Variants in PDZRN4 observed in about 807,000 individuals in gnomAD.
The protein encoded by PDZRN4 is PDZ domain containing ring finger 4, also known as PDZ domain-containing RING finger protein 4.
In PDZRN4, 70 loss-of-function variants were observed where a neutral mutation model predicts 99.0. The ratio of observed to expected loss-of-function variants is 0.71; its 90% CI spans 0.58 to 0.86. PDZRN4 has a LOEUF of 0.86. PDZRN4 is among the 40% of genes least tolerant of loss of function. The pLI is 0.00. For synonymous variants in PDZRN4, 551 were observed against 501.6 expected (o/e 1.10, Z -1.32); for missense variants, 1,474 against 1,331.2 (o/e 1.11, Z -1.67).
intron 3 of PDZRN4, among the ~76,000 whole-genome samples, chr12:41,312,189 AG>A (rs1193661517): frequency 6.6e-6 from 1 of 151,932 alleles, no homozygotes; most frequent in Non-Finnish European, 1.5e-5. Context: ...TATTTCATTT[AG>A]GGTTTCTATT....
chr12:41,557,066 G>A (rs12426132), intron 7 of PDZRN4, among the ~76,000 whole-genome samples: 3,653 of 148,066 alleles, frequency 0.025, 57 homozygotes, highest in African/African-American at 0.027. Context: ...CAGGAGAATC[G>A]CTTGAACCCG....
chr12:41,198,898 A>T (rs748806161), intron 3 of PDZRN4, among the ~76,000 whole-genome samples: 2 of 151,456 alleles, frequency 1.3e-5, no homozygotes, highest in South Asian at 2.1e-4. Flanking sequence ...TACCAACTAC[A>T]CTTTCTTTTA....
intron 4 of PDZRN4, among the ~76,000 whole-genome samples, chr12:41,507,282 T>C (rs1167480702): frequency 1.3e-5 from 2 of 152,200 alleles, no homozygotes; most frequent in Non-Finnish European, 2.9e-5. Context: ...AATAAAGATC[T>C]ATTCAAGGAA....
intron 3 of PDZRN4, among the ~76,000 whole-genome samples, chr12:41,486,291 A>C (rs987862612): frequency 2.6e-5 from 4 of 152,192 alleles, no homozygotes; most frequent in Non-Finnish European, 4.4e-5. Flanking sequence ...AGTTGGGGAT[A>C]CAAAAACACA....
At chr12:41,454,786 T>C (rs957230657) in intron 3 of PDZRN4, among the ~76,000 whole-genome samples, 2 of 152,242 alleles carry the variant, frequency 1.3e-5, no homozygotes, top group East Asian at 1.9e-4. Flanking sequence ...CAAATGGAAC[T>C]AAGGAGACTA....
At chr12:41,554,102 T>C (rs964178541) in intron 6 of PDZRN4, among the ~76,000 whole-genome samples, 3 of 152,208 alleles carry the variant, frequency 2.0e-5, no homozygotes, top group Admixed American at 1.3e-4. Context: ...ATTCAACTTA[T>C]GTACTTCTTT....
intron 3 of PDZRN4, among the ~76,000 whole-genome samples, chr12:41,466,642 G>C (rs190513913): frequency 1.3e-5 from 2 of 152,046 alleles, no homozygotes; most frequent in African/African-American, 2.4e-5. Context: ...AACGTGGAGG[G>C]GGGGACACCT....
rs540633700 is a variant in PDZRN4, at chr12:41,255,269, T to G, written c.843+61081T>G. Among the ~76,000 whole-genome samples the G allele has an allele frequency of 4.6e-5, 7 of 152,228 alleles. 1 individual carries two copies. The highest frequency in any genetic ancestry group is 1.7e-4 in the African/African-American group (7 of 41,550). ...CAGGGCAGCCAGATCATGCAGGTCC[T>G]TTAGGTAAGACAGGTATGTTTGTCA... On this transcript the variant is annotated intron_variant, in intron 3 of 9. Coordinates refer to ENST00000402685, the MANE Select transcript of PDZRN4 (RefSeq NM_001164595.2).
chr12:41,496,164 G>A (rs750535578), intron 3 of PDZRN4, among the ~76,000 whole-genome samples: 3 of 152,092 alleles, frequency 2.0e-5, no homozygotes, highest in Non-Finnish European at 2.9e-5. Flanking sequence ...AGATAATATA[G>A]GCCAAGGGCT....
At chr12:41,210,930 C>A (rs1950883662) in intron 3 of PDZRN4, among the ~76,000 whole-genome samples, 1 of 151,950 alleles carries the variant, frequency 6.6e-6, no homozygotes, top group South Asian at 2.1e-4. Context: ...TCATTGAAAT[C>A]TATTTCTGTT....
chr12:41,275,180 G>A (rs1037890918), intron 3 of PDZRN4, among the ~76,000 whole-genome samples: 35 of 152,058 alleles, frequency 2.3e-4, no homozygotes, highest in Admixed American at 1.5e-3. Context: ...AGTTATCCCA[G>A]GGAACTGTGT....
intron 3 of PDZRN4, among the ~76,000 whole-genome samples, chr12:41,446,850 A>ATTTT (rs36011837): frequency 7.2e-6 from 1 of 139,000 alleles, no homozygotes; most frequent in African/African-American, 2.7e-5. Context: ...ACCAAGGGCA[A>ATTTT]TTTTTTTTTT....
intron 3 of PDZRN4, among the ~76,000 whole-genome samples, chr12:41,388,133 A>G (rs1400844625): frequency 1.3e-5 from 2 of 152,316 alleles, no homozygotes; most frequent in Admixed American, 1.3e-4. Flanking sequence ...ATATGGGTGG[A>G]GCTAGAGGAC....
intron 3 of PDZRN4, among the ~76,000 whole-genome samples, chr12:41,311,139 AT>A (rs1461116392): frequency 6.6e-6 from 1 of 152,160 alleles, no homozygotes; most frequent in African/African-American, 2.4e-5. Flanking sequence ...ACGTTATATA[AT>A]TTTTCTCCAA....
chr12:41,511,829 T>C (rs1938309374), intron 5 of PDZRN4, among the ~76,000 whole-genome samples: 1 of 152,148 alleles, frequency 6.6e-6, no homozygotes, highest in South Asian at 2.1e-4. Context: ...TGGACACCAT[T>C]AGGCTCATTC....
intron 3 of PDZRN4, among the ~76,000 whole-genome samples, chr12:41,223,221 C>A (rs1490914541): frequency 6.6e-6 from 1 of 152,024 alleles, no homozygotes; most frequent in Non-Finnish European, 1.5e-5. Flanking sequence ...TTATTTGTAT[C>A]CAGAGCAGTA....
intron 3 of PDZRN4, among the ~76,000 whole-genome samples, chr12:41,467,524 T>A (rs1164151381): frequency 6.6e-6 from 1 of 152,154 alleles, no homozygotes; most frequent in Non-Finnish European, 1.5e-5. Context: ...TCAAGTTGAA[T>A]GTGAGGGAAT....
At chr12:41,514,514 C>A (rs941772681) in intron 5 of PDZRN4, among the ~76,000 whole-genome samples, 1 of 151,694 alleles carries the variant, frequency 6.6e-6, no homozygotes, top group Non-Finnish European at 1.5e-5. Context: ...GAAAAAAAAA[C>A]AAGTCCCTAG....
At chr12:41,533,034 T>G (rs1215227382) in intron 5 of PDZRN4, among the ~76,000 whole-genome samples, 1 of 152,188 alleles carries the variant, frequency 6.6e-6, no homozygotes, top group Admixed American at 6.5e-5. Context: ...GCCTAATTGA[T>G]CTATCAATTA....
Sources: gnomAD v4.1 joint callset for allele counts (sites outside exome capture counted in the v4.1 genomes callset) on GRCh38, gnomAD v4.1.1 for gene constraint, MANE v1.5 for transcripts, NCBI Gene and HGNC (gene_info 2026-07-23, HGNC 2026-07-21) for gene names.